IMMP2L: variants seen among roughly 807,000 people sequenced by gnomAD.
IMMP2L encodes mitochondrial inner membrane protease subunit 2.
In IMMP2L, 18 loss-of-function variants were observed where a neutral mutation model predicts 19.3. That is an observed-to-expected ratio of 0.93 (90% CI 0.64 to 1.38). The LOEUF (loss-of-function observed/expected upper bound fraction) is 1.38. IMMP2L is among the 40% of genes most tolerant of loss of function. The probability of loss-of-function intolerance (pLI) is 0.00; values close to 1 mark genes in which losing one functional copy is unlikely to be tolerated. For missense variants in IMMP2L, 233 were observed against 218.2 expected (o/e 1.07, Z -0.43); for synonymous variants, 76 against 73.0 (o/e 1.04, Z -0.21).
intron 3 of IMMP2L, among the ~76,000 whole-genome samples, chr7:111,344,809 G>A (rs1432962990): frequency 6.6e-6 from 1 of 152,074 alleles, no homozygotes; most frequent in Non-Finnish European, 1.5e-5. Flanking sequence ...TGTTACCTTA[G>A]GAAGGACAAA....
chr7:111,147,570 A>T (rs541997105), intron 3 of IMMP2L, among the ~76,000 whole-genome samples: 1 of 152,216 alleles, frequency 6.6e-6, no homozygotes, highest in East Asian at 1.9e-4. Context: ...CTTCTCTGAG[A>T]CATAGCTCCT....
chr7:110,713,057 T>A (rs1466401577), intron 5 of IMMP2L, among the ~76,000 whole-genome samples: 1 of 152,220 alleles, frequency 6.6e-6, no homozygotes, highest in Non-Finnish European at 1.5e-5. Context: ...TACACTTAAA[T>A]TTTTAATCCA....
intron 3 of IMMP2L, among the ~76,000 whole-genome samples, chr7:111,388,213 C>G (rs1831981052): frequency 6.6e-6 from 1 of 151,768 alleles, no homozygotes; most frequent in Admixed American, 6.6e-5. Context: ...AAGACCGGGA[C>G]CAAATATTCA....
intron 3 of IMMP2L, among the ~76,000 whole-genome samples, chr7:111,030,272 T>C (rs1827270662): frequency 6.6e-6 from 1 of 152,034 alleles, no homozygotes; most frequent in African/African-American, 2.4e-5. Context: ...AAAATTTTTT[T>C]AAAATGTGAA....
intron 5 of IMMP2L, among the ~76,000 whole-genome samples, chr7:110,752,045 T>C (rs1204222314): frequency 1.3e-5 from 2 of 151,970 alleles, no homozygotes; most frequent in African/African-American, 4.8e-5. Flanking sequence ...AATGGCACTT[T>C]TAGGAAAAAA....
intron 3 of IMMP2L, among the ~76,000 whole-genome samples, chr7:111,243,621 G>T (rs548992592): frequency 7.4e-5 from 9 of 120,830 alleles, no homozygotes; most frequent in South Asian, 3.1e-4. Context: ...ACCCACTAAT[G>T]TGTCATCTAG....
intron 3 of IMMP2L, among the ~76,000 whole-genome samples, chr7:111,311,278 A>G (rs916582967): frequency 2.0e-5 from 3 of 152,122 alleles, no homozygotes; most frequent in Admixed American, 6.5e-5. Flanking sequence ...AGAAAGAAAA[A>G]GGAAAAGAAC....
At chr7:111,129,940 T>A (rs1215791293) in intron 3 of IMMP2L, among the ~76,000 whole-genome samples, 1 of 152,144 alleles carries the variant, frequency 6.6e-6, no homozygotes, top group Non-Finnish European at 1.5e-5. Flanking sequence ...TATAGATTAT[T>A]TCCAAAATTT....
chr7:110,726,900 T>C (rs1713727454), intron 5 of IMMP2L, among the ~76,000 whole-genome samples: 1 of 152,164 alleles, frequency 6.6e-6, no homozygotes, highest in Non-Finnish European at 1.5e-5. Context: ...GTGGGCATTT[T>C]GTAAGAAGGA....
intron 4 of IMMP2L, among the ~76,000 whole-genome samples, chr7:110,959,051 G>A (rs760203387): frequency 6.6e-6 from 1 of 151,916 alleles, no homozygotes; most frequent in Non-Finnish European, 1.5e-5. Flanking sequence ...CTAAAGGAGT[G>A]TAACTACCAG....
intron 5 of IMMP2L, among the ~76,000 whole-genome samples, chr7:110,812,054 T>C (rs180691886): frequency 2.6e-3 from 397 of 152,148 alleles, no homozygotes; most frequent in Admixed American, 4.2e-3. Flanking sequence ...CTCTGACACA[T>C]ATATTTGGTG....
chr7:110,810,178 C>A (rs1801933376), intron 5 of IMMP2L, among the ~76,000 whole-genome samples: 1 of 152,054 alleles, frequency 6.6e-6, no homozygotes, highest in South Asian at 2.1e-4. Context: ...TGCTTGATTT[C>A]ATTTAACTTG....
intron 2 of IMMP2L, among the ~76,000 whole-genome samples, chr7:111,504,637 G>A (rs1189616043): frequency 6.6e-6 from 1 of 152,070 alleles, no homozygotes; most frequent in Non-Finnish European, 1.5e-5. Flanking sequence ...TAGATTAATG[G>A]AACAGAACAG....
At chr7:111,281,208 A>C (rs1325185328) in intron 3 of IMMP2L, among the ~76,000 whole-genome samples, 1 of 53,806 alleles carries the variant, frequency 1.9e-5, no homozygotes, top group Non-Finnish European at 3.8e-5. Context: ...GAAAGAAAGA[A>C]AGAAAGAAAA....
At chr7:110,886,926 T>C (rs995853922) in intron 4 of IMMP2L, among the ~76,000 whole-genome samples, 9 of 152,170 alleles carry the variant, frequency 5.9e-5, no homozygotes, top group African/African-American at 2.2e-4. Flanking sequence ...TTAGATGAAA[T>C]GTATTGGCAC....
At chr7:111,163,260 G>C (rs1805463182) in intron 3 of IMMP2L, among the ~76,000 whole-genome samples, 1 of 152,012 alleles carries the variant, frequency 6.6e-6, no homozygotes, top group African/African-American at 2.4e-5. Flanking sequence ...CTCCTCTGGA[G>C]AGGCGTCAAT....
intron 1 of IMMP2L, among the ~76,000 whole-genome samples, chr7:111,556,161 G>T (rs1791332925): frequency 6.6e-6 from 1 of 151,096 alleles, no homozygotes; most frequent in South Asian, 2.1e-4. Context: ...CCCAGGGGAG[G>T]GGGAAGGAAA....
intron 3 of IMMP2L, among the ~76,000 whole-genome samples, chr7:111,266,039 A>G (rs564565820): frequency 2.2e-4 from 34 of 152,264 alleles, no homozygotes; most frequent in African/African-American, 8.2e-4. Flanking sequence ...AATAGCACTT[A>G]CCACAACCTA....
At chr7:111,130,671 G>T (rs1208980382) in intron 3 of IMMP2L, among the ~76,000 whole-genome samples, 3 of 151,972 alleles carry the variant, frequency 2.0e-5, no homozygotes, top group African/African-American at 7.2e-5. Flanking sequence ...TGTCATTTGT[G>T]GTACTAGACT....
Sources: allele counts gnomAD v4.1 joint callset (sites outside exome capture counted in the v4.1 genomes callset), GRCh38; gene constraint gnomAD v4.1.1; transcripts MANE v1.5; gene names NCBI Gene and HGNC (gene_info 2026-07-23, HGNC 2026-07-21).